The following PATJ variants were observed in gnomAD, a reference collection of about 807,000 sequenced individuals.
PATJ encodes inaD-like protein.
In PATJ, 190 loss-of-function variants were observed where a neutral mutation model predicts 224.9. The ratio of observed to expected loss-of-function variants is 0.84; its 90% CI spans 0.75 to 0.95. The LOEUF (loss-of-function observed/expected upper bound fraction) is 0.95. PATJ is among the 40% of genes least tolerant of loss of function. The pLI is 0.00. For synonymous variants in PATJ, 769 were observed against 820.3 expected, an observed-to-expected ratio of 0.94 and a Z score of 1.07; for missense variants, 2,121 against 2,270.3, an observed-to-expected ratio of 0.93 and a Z score of 1.34.
intron 10 of PATJ, 37 bp downstream of exon 10, chr1:61,795,595 T>C (rs183865008): frequency 6.6e-5 from 85 of 1,284,748 alleles, no homozygotes; most frequent in Non-Finnish European, 8.5e-5. Context: ...TTGATTCTAG[T>C]TGAAAAAAAG....
rs549804655 is a variant in PATJ at position 62,116,534 on chromosome 1, A to G, written c.4658A>G (p.Asn1553Ser). ...GLGLSIVGKR[N>S]GSGVFISDIV... is the part of the protein sequence containing the mutation. Reference sequence around the variant, plus strand: ...GCACTGCTGTATGGTATTAACAGAAATGGAAGCGGAGTGTTTATTTCTGAC... The same window carrying G: ...GCACTGCTGTATGGTATTAACAGAAGTGGAAGCGGAGTGTTTATTTCTGAC... The change falls in exon 36 of 44, where the codon AAT (asparagine) becomes AGT (serine). Residue 1553 changes from asparagine (N) to serine (S), a missense_variant and splice_region_variant. Asn to Ser is a conservative substitution (Grantham distance 46, BLOSUM62 1). Transcript: ENST00000642238. 8 of 1,613,966 alleles carry G rather than the reference A, an allele frequency of 5.0e-6. No individual in the cohort carries two copies. The highest frequency in any genetic ancestry group is 4.0e-5 in the African/African-American group (3 of 75,076).
chr1:62,129,762 G>A (rs1666079566), intron 41 of PATJ, among the ~76,000 whole-genome samples: 1 of 152,034 alleles, frequency 6.6e-6, no homozygotes, highest in Non-Finnish European at 1.5e-5. Context: ...ACAACATGGT[G>A]AAACCCCGTC....
rs747540349 is a variant in PATJ, at chr1:61,901,302, C to A, written c.3224C>A (p.Pro1075His). ...TATAGTGTTGAGATTTTTAGAGAAC[C>A]CAATGTGTCTCTTGGGATCAGTATT... is the stretch of plus-strand genomic sequence containing the variant. Reference protein sequence around the residue: ...PPRIVEIFREPNVSLGISIVG... With the variant: ...PPRIVEIFREHNVSLGISIVG... Residue 1075 changes from proline (P) to histidine (H), a missense_variant, in exon 24 of 44, where the codon CCC becomes CAC. Coordinates refer to ENST00000642238, the MANE Select transcript of PATJ (RefSeq NM_001350145.3). The A allele has an allele frequency of 7.2e-6, 11 of 1,532,264 alleles. No homozygotes were observed. The highest frequency in any genetic ancestry group is 8.7e-6 in the Non-Finnish European group (10 of 1,150,732). 94.9% of individuals were successfully genotyped at this position (1,532,264 alleles called of 1,614,324 possible).
intron 20 of PATJ, among the ~76,000 whole-genome samples, chr1:61,872,265 T>C (rs1666746051): frequency 6.6e-6 from 1 of 152,208 alleles, no homozygotes; most frequent in African/African-American, 2.4e-5. Context: ...CTTACCCCTA[T>C]TTAATATTTG....
intron 30 of PATJ, among the ~76,000 whole-genome samples, chr1:62,044,543 G>A (rs921660489): frequency 3.3e-5 from 5 of 152,166 alleles, no homozygotes; most frequent in Admixed American, 6.5e-5. Context: ...CTTGGGTTCC[G>A]ACATACTTAT....
chr1:62,067,049 G>C (rs1376250346), intron 31 of PATJ, among the ~76,000 whole-genome samples: 1 of 151,780 alleles, frequency 6.6e-6, no homozygotes, highest in African/African-American at 2.4e-5. Flanking sequence ...TATGACCCCT[G>C]AGCAGCAAGG....
chr1:62,151,585 C>T (rs959841080), intron 42 of PATJ, among the ~76,000 whole-genome samples: 3 of 151,680 alleles, frequency 2.0e-5, no homozygotes, highest in Non-Finnish European at 4.4e-5. Context: ...AGCGAGACTC[C>T]GTCTCAAAAA....
At chr1:62,069,891 T>TA (rs34216034) in intron 31 of PATJ, among the ~76,000 whole-genome samples, 55,181 of 151,944 alleles carry the variant, frequency 0.36, 10,351 homozygotes, top group Non-Finnish European at 0.42. Flanking sequence ...GCATTCTTAA[T>TA]AAAAAAATGA....
intron 28 of PATJ, among the ~76,000 whole-genome samples, chr1:62,006,025 A>G (rs960534793): frequency 6.6e-6 from 1 of 152,204 alleles, no homozygotes; most frequent in Non-Finnish European, 1.5e-5. Context: ...TAAGTTAATT[A>G]ACTTTTACTT....
Position 61,880,483 on chromosome 1 carries a change from G to A in PATJ, c.2960-3754G>A, listed in dbSNP as rs1203680568. ...GTGTCTTCTCACATTTATTTGATGG[G>A]AAACAAAACAAAATATAGAAGGTGC... On this transcript the variant is annotated intron_variant, in intron 21 of 43. Coordinates refer to ENST00000642238, the MANE Select transcript of PATJ (RefSeq NM_001350145.3). Among the ~76,000 whole-genome samples, 2 of 152,136 alleles carry A rather than the reference G, an allele frequency of 1.3e-5. 1 individual carries two copies. Among genetic ancestry groups the A allele is most frequent in the Non-Finnish European group, 2.9e-5 (2 of 68,032 alleles).
chr1:61,761,712 G>C (rs181632339), intron 1 of PATJ, among the ~76,000 whole-genome samples: 5 of 151,244 alleles, frequency 3.3e-5, no homozygotes, highest in Admixed American at 3.3e-4. Flanking sequence ...TTGAGACAGG[G>C]TCTCACTCTG....
At chr1:61,817,175 G>A (rs1382270181) in intron 14 of PATJ, among the ~76,000 whole-genome samples, 2 of 152,176 alleles carry the variant, frequency 1.3e-5, no homozygotes, top group African/African-American at 4.8e-5. Flanking sequence ...GGGGGAGAAA[G>A]CCAAATGCAA....
chr1:62,102,566 T>C (rs113572197), intron 33 of PATJ, among the ~76,000 whole-genome samples: 2,521 of 151,872 alleles, frequency 0.017, 54 homozygotes, highest in South Asian at 0.084. Context: ...GAATAACAAA[T>C]GGGCCAGGCG....
Position 61,881,812 on chromosome 1 carries a change from A to G in PATJ, c.2960-2425A>G, listed in dbSNP as rs191557032. Reference sequence around the variant, plus strand: ...AAATGGCATTCCCAAATCACTGAAGATGTTTAATCAGAAGTCTCAAAGCTC... The same window carrying G: ...AAATGGCATTCCCAAATCACTGAAGGTGTTTAATCAGAAGTCTCAAAGCTC... On this transcript the variant is annotated intron_variant, in intron 21 of 43. Coordinates refer to ENST00000642238, the MANE Select transcript of PATJ (RefSeq NM_001350145.3). 2.6e-5 allele frequency among the ~76,000 whole-genome samples: 4 copies of G among 152,294 alleles called. No homozygotes were observed. In the East Asian group the frequency reaches 7.7e-4, roughly 29 times the overall value.
At chr1:61,987,934 C>T (rs574619226) in intron 27 of PATJ, among the ~76,000 whole-genome samples, 2 of 152,332 alleles carry the variant, frequency 1.3e-5, no homozygotes, top group South Asian at 2.1e-4. Flanking sequence ...CATGGTGGCT[C>T]ACACCTGTAA....
chr1:61,895,663 T>G (rs1438118863), intron 22 of PATJ, among the ~76,000 whole-genome samples: 13 of 85,608 alleles, frequency 1.5e-4, no homozygotes, highest in South Asian at 1.3e-3. Flanking sequence ...AGAAGTCAAC[T>G]CGGGCAGAGC....
intron 27 of PATJ, among the ~76,000 whole-genome samples, chr1:61,929,512 T>C (rs893169226): frequency 2.0e-5 from 3 of 152,352 alleles, no homozygotes; most frequent in Admixed American, 1.3e-4. Flanking sequence ...GTGCCAGGCA[T>C]TGTTTTAAAG....
chr1:61,766,253 T>TGAG, intron 3 of PATJ, 26 bp from the exon 4 acceptor site: 2 of 1,360,854 alleles, frequency 1.5e-6, no homozygotes, highest in Non-Finnish European at 1.9e-6. Context: ...AGATTTCTGT[T>TGAG]GATTCTTTTT....
intron 39 of PATJ, among the ~76,000 whole-genome samples, chr1:62,126,873 T>C (rs953764846): frequency 1.3e-5 from 2 of 152,168 alleles, no homozygotes; most frequent in Non-Finnish European, 2.9e-5. Flanking sequence ...CTCCTGCTAT[T>C]GCCTTTTATT....
Sources: allele counts gnomAD v4.1 joint callset (sites outside exome capture counted in the v4.1 genomes callset), GRCh38; gene constraint gnomAD v4.1.1; transcripts MANE v1.5; gene names NCBI Gene and HGNC (gene_info 2026-07-23, HGNC 2026-07-21).